Variants in DHTKD1 observed in about 807,000 individuals in gnomAD.
The protein encoded by DHTKD1 is dehydrogenase E1 and transketolase domain containing 1.
Under a neutral mutation model 101.8 loss-of-function variants are expected in DHTKD1, and 78 were observed. That is an observed-to-expected ratio of 0.77 (90% confidence interval 0.64 to 0.93). The LOEUF is 0.93. DHTKD1 is among the 40% of genes least tolerant of loss of function. DHTKD1 has a pLI of 0.00. For missense variants in DHTKD1, 1,223 were observed against 1,161.7 expected (o/e 1.05, Z -0.77); for synonymous variants, 462 against 450.3 (o/e 1.03, Z -0.33).
chr10:12,085,870 C>T (rs1832889588), intron 3 of DHTKD1, among the ~76,000 whole-genome samples: 1 of 152,078 alleles, frequency 6.6e-6, no homozygotes, highest in African/African-American at 2.4e-5. Context: ...AAGATTGCAC[C>T]ACTGTACTCC....
rs372793654 is a variant in DHTKD1 at position 12,091,485 on chromosome 10, C to G, written c.988-28C>G. ...TAATCCCTTATGTTTCTTTTCTCCC[C>G]ACCCGCTCCCCTTGCCTCATGATTT... On this transcript the variant is annotated intron_variant, in intron 5 of 16. Transcript: ENST00000263035. The G allele has an allele frequency of 7.5e-6, 11 of 1,476,166 alleles. No individual in the cohort carries two copies. The African/African-American group carries it at 1.6e-4, about 21-fold the overall frequency. The allele number at this position is 1,476,166 out of a possible 1,614,324, so 91.4% of individuals were successfully genotyped here.
intron 8 of DHTKD1, among the ~76,000 whole-genome samples, chr10:12,098,631 C>T (rs7919255): frequency 0.73 from 111,432 of 151,966 alleles, 41,530 homozygotes; most frequent in South Asian, 0.88. Flanking sequence ...GTGGCGTGAT[C>T]TCGGCTCACT....
At chr10:12,112,655 C>T (rs984110191) in intron 12 of DHTKD1, among the ~76,000 whole-genome samples, 8 of 151,996 alleles carry the variant, frequency 5.3e-5, no homozygotes, top group African/African-American at 1.7e-4. Flanking sequence ...TGCTATCAGC[C>T]GTGTTTGGGA....
Position 12,122,911 on chromosome 10 carries a change from CT to C in DHTKD1, c.*2027del, listed in dbSNP as rs1160437599. 6.6e-6 allele frequency: 1 copy of C among 152,244 alleles called. No homozygotes were observed. Among genetic ancestry groups the C allele is most frequent in the Non-Finnish European group, 1.5e-5 (1 of 68,052 alleles). The allele number at this position is 152,244 out of a possible 1,614,324, so 9.4% of individuals were successfully genotyped here. On this transcript the variant is annotated 3_prime_UTR_variant, in exon 17 of 17. Transcript: ENST00000263035. The stretch of plus-strand genomic sequence containing the variant: ...CTGGCAGAAGCCCAGGCCCTCTCTA[CT>C]TTTACCAGCAACTGATCATGTCTTT...
At chr10:12,082,220 T>G (rs917686969) in intron 2 of DHTKD1, among the ~76,000 whole-genome samples, 3 of 152,192 alleles carry the variant, frequency 2.0e-5, no homozygotes, top group African/African-American at 7.2e-5. Flanking sequence ...AAGTAGTTAT[T>G]GTCCTCTTTA....
Position 12,107,258 on chromosome 10 carries a change from T to A in DHTKD1, c.2048-651T>A, listed in dbSNP as rs1246064018. On this transcript the variant is annotated intron_variant, in intron 11 of 16. Transcript: ENST00000263035. This position sits in a 1 kb window ranked among gnomAD's most constrained non-coding sequence, Gnocchi z 4.1. The stretch of plus-strand genomic sequence containing the variant: ...ACCTCAGCCTCCCAAAGTGGTGGGA[T>A]TACGGGTGTGAGCCACTGTGCCCGG... Among the ~76,000 whole-genome samples the A allele has an allele frequency of 6.6e-6, 1 of 151,544 alleles. No homozygotes were observed. Among genetic ancestry groups the A allele is most frequent in the African/African-American group, 2.4e-5 (1 of 41,220 alleles).
At chr10:12,119,162 C>T (rs1230230542) in intron 15 of DHTKD1, among the ~76,000 whole-genome samples, 1 of 151,198 alleles carries the variant, frequency 6.6e-6, no homozygotes, top group Non-Finnish European at 1.5e-5. Flanking sequence ...AAAAATTAGC[C>T]GGGCGTGGTG....
At chr10:12,114,178 CA>C (rs1288060020) in intron 13 of DHTKD1, among the ~76,000 whole-genome samples, 1 of 151,700 alleles carries the variant, frequency 6.6e-6, no homozygotes, top group Non-Finnish European at 1.5e-5. Context: ...TTTCAAATCA[CA>C]AAAATATGCT....
At chr10:12,109,873 TGTTG>T (rs1833301573) in intron 12 of DHTKD1, among the ~76,000 whole-genome samples, 2 of 152,068 alleles carry the variant, frequency 1.3e-5, no homozygotes, top group African/African-American at 4.8e-5. Context: ...AGAGTCCATT[TGTTG>T]GTTGATGACT....
chr10:12,070,328 T>C (rs1175796845), intron 1 of DHTKD1, among the ~76,000 whole-genome samples: 3 of 152,152 alleles, frequency 2.0e-5, no homozygotes, highest in Admixed American at 6.6e-5. Context: ...TAGAGGAAAA[T>C]CATTTGGCAT....
intron 7 of DHTKD1, among the ~76,000 whole-genome samples, 175 bp from the exon 8 acceptor site, chr10:12,097,509 G>A (rs1833087880): frequency 6.6e-6 from 1 of 152,060 alleles, no homozygotes; most frequent in African/African-American, 2.4e-5. Flanking sequence ...CCTGACCTCA[G>A]GTGATCCACC....
At chr10:12,119,299 CA>C (rs907173140) in intron 15 of DHTKD1, among the ~76,000 whole-genome samples, 1 of 144,586 alleles carries the variant, frequency 6.9e-6, no homozygotes, top group African/African-American at 2.6e-5. Flanking sequence ...GACTCTGTGT[CA>C]AAAAAAGACA....
At chr10:12,071,546 C>T (rs952062434) in intron 1 of DHTKD1, among the ~76,000 whole-genome samples, 5 of 151,902 alleles carry the variant, frequency 3.3e-5, no homozygotes, top group Admixed American at 6.6e-5. Context: ...CCGAGGTGGG[C>T]GGATCACCAG....
chr10:12,120,699 G>A (rs1236970349), intron 16 of DHTKD1, 88 bp from the exon 17 acceptor site: 2 of 1,115,388 alleles, frequency 1.8e-6, no homozygotes, highest in African/African-American at 1.5e-5. Flanking sequence ...AACAAGCTAA[G>A]AGAAATACAT....
chr10:12,071,048 C>T (rs1832643320), intron 1 of DHTKD1, among the ~76,000 whole-genome samples: 1 of 152,194 alleles, frequency 6.6e-6, no homozygotes, highest in Non-Finnish European at 1.5e-5. Context: ...GTCCTTGGTA[C>T]CCATTGCCTG....
At position 12,069,164 on chromosome 10, in the gene DHTKD1, A is replaced by T; in HGVS notation, c.131A>T (p.Gln44Leu). 1 of 1,564,048 alleles carries T rather than the reference A, an allele frequency of 6.4e-7. No homozygotes were observed. Residue 44 changes from glutamine (Q) to leucine (L), a missense_variant, in exon 1 of 17, where the codon CAG becomes CTG. Gln to Leu is a moderately radical substitution (Grantham distance 113). Coordinates refer to ENST00000263035, the MANE Select transcript of DHTKD1 (RefSeq NM_018706.7). ...AGGAAGCCCGAGAGCCGCGAGCCCC[A>T]GGGCGCCCTGGAGCGCCCCCCAGGT... ...RPRKPESREP[Q>L]GALERPPVDH...
Position 12,097,987 on chromosome 10 carries a change from A to G in DHTKD1, c.1662A>G (p.Thr554=), listed in dbSNP as rs1833099732. The G allele has an allele frequency of 6.2e-6, 10 of 1,604,050 alleles. No homozygotes were observed. Among genetic ancestry groups the G allele is most frequent in the African/African-American group, 1.3e-5 (1 of 74,908 alleles). ...AGATGCACAGTCACCTGCTGAAGAC[A>G]CATGTTCAGGTGGGCAGCCTCCAAA... The part of the protein sequence containing the change: ...ELQMHSHLLK[T]HVQSRMEKMM... The change falls in exon 8 of 17, where the codon ACA becomes ACG. Residue 554 remains threonine (T), a synonymous_variant. Coordinates refer to ENST00000263035, the MANE Select transcript of DHTKD1 (RefSeq NM_018706.7).
chr10:12,100,287 G>GGGTTTTTTTTTTTTTTTT, intron 9 of DHTKD1, 25 bp downstream of exon 9: 1 of 269,862 alleles, frequency 3.7e-6, no homozygotes, highest in Non-Finnish European at 6.1e-6. Flanking sequence ...TTTTTTTTCT[G>GGGTTTTTTTTTTTTTTTT]TTTTTTTTTT....
chr10:12,105,714 T>C (rs1169694397), intron 10 of DHTKD1, among the ~76,000 whole-genome samples: 1 of 152,156 alleles, frequency 6.6e-6, no homozygotes, highest in Non-Finnish European at 1.5e-5. Flanking sequence ...AATACCCATA[T>C]TCCAGCCTCT....
Sources: gnomAD v4.1 joint callset for allele counts (sites outside exome capture counted in the v4.1 genomes callset) on GRCh38, gnomAD v4.1.1 for gene constraint, Gnocchi (gnomAD v3.1) non-coding constraint, MANE v1.5 for transcripts, NCBI Gene and HGNC (gene_info 2026-07-23, HGNC 2026-07-21) for gene names.